MEX3B: variants seen among roughly 807,000 people sequenced by gnomAD.
MEX3B encodes the protein RNA-binding protein MEX3B.
In MEX3B, 10 loss-of-function variants were observed where a neutral mutation model predicts 12.2. The ratio of observed to expected loss-of-function variants is 0.82; its 90% confidence interval spans 0.51 to 1.40. The LOEUF is 1.40. MEX3B is among the 40% of genes most tolerant of loss of function. The pLI, the probability that MEX3B is intolerant of heterozygous loss-of-function variation, is 0.00. For synonymous variants in MEX3B, 498 were observed against 356.3 expected (o/e 1.40, Z -4.48); for missense variants, 839 against 801.4 (o/e 1.05, Z -0.57).
In MEX3B at chr15:82,042,362, AAAT is replaced by A. The variant is rs1355916140; in HGVS notation, c.*795_*797del. ...TTCCGTCACAATTGTGTGATTATTA[AAAT>A]AATACAGTGTTCTTTGCCATAAGGC... On this transcript the variant is annotated 3_prime_UTR_variant, in exon 2 of 2. Transcript: ENST00000329713. 1 of 152,640 alleles carries A rather than the reference AAAT, an allele frequency of 6.6e-6. No homozygotes were observed. The highest frequency in any genetic ancestry group is 1.5e-5 in the Non-Finnish European group (1 of 68,034). The allele number at this position is 152,640 out of a possible 1,614,324, so 9.5% of individuals were successfully genotyped here.
At position 82,044,228 on chromosome 15, in the gene MEX3B, C is replaced by G; in HGVS notation, c.642G>C (p.Val214=). 1 of 1,614,102 alleles carries G rather than the reference C, an allele frequency of 6.2e-7. No homozygotes were observed. ...CCTCAATCTCCTCTCGAGCGCGATC[C>G]ACGTTCTCTGGCATGCCGGTCACCT... ...VFEVTGMPEN[V]DRAREEIEAH... The change falls in exon 2 of 2, where the codon GTG becomes GTC. Residue 214 remains valine (V), a synonymous_variant. Coordinates refer to ENST00000329713, the MANE Select transcript of MEX3B (RefSeq NM_032246.6). This position sits in a 1 kb window ranked among gnomAD's most constrained non-coding sequence, Gnocchi z 5.3.
rs376439405 is a variant in MEX3B, at chr15:82,043,454, G to A, written c.1416C>T (p.Ala472=). 22 of 1,548,878 alleles carry A rather than the reference G, an allele frequency of 1.4e-5. No homozygotes were observed. In the African/African-American group the frequency reaches 2.7e-4, roughly 19 times the overall value. ...GTGCCCCCAGCCCGTTGGCATAAGC[G>A]GCGTAGGCCAGGCCTCCTCCACCCG... ...SDPGGGGLAY[A]AYANGLGAQL... The change falls in exon 2 of 2, where the codon GCC becomes GCT. Residue 472 remains alanine, a synonymous_variant. Coordinates refer to ENST00000329713, the MANE Select transcript of MEX3B (RefSeq NM_032246.6).
In MEX3B at chr15:82,042,529, C is replaced by T. The variant is rs976022711; in HGVS notation, c.*631G>A. On this transcript the variant is annotated 3_prime_UTR_variant, in exon 2 of 2. Coordinates refer to ENST00000329713, the MANE Select transcript of MEX3B (RefSeq NM_032246.6). ...TAAAATACTTCAATCTGTATTAATG[C>T]AATTTCTCTTTAAAACTTTTAAACG... is the stretch of plus-strand genomic sequence containing the variant. 1 of 152,558 alleles carries T rather than the reference C, an allele frequency of 6.6e-6. No individual in the cohort carries two copies. The highest frequency in any genetic ancestry group is 1.5e-5 in the Non-Finnish European group (1 of 68,030). The allele number at this position is 152,558 out of a possible 1,614,324, so 9.5% of individuals were successfully genotyped here.
Position 82,045,803 on chromosome 15 carries a change from G to A in MEX3B, c.-98C>T. The A allele has an allele frequency of 2.4e-6, 3 of 1,263,732 alleles. No homozygotes were observed. Among genetic ancestry groups the A allele is most frequent in the Non-Finnish European group, 3.0e-6 (3 of 997,202 alleles). 78.3% of individuals were successfully genotyped at this position (1,263,732 alleles called of 1,614,324 possible). On this transcript the variant is annotated 5_prime_UTR_variant, in exon 1 of 2. Transcript: ENST00000329713. Reference sequence around the variant, plus strand: ...CGGGAAGCGGGTGGTCAGGGGCGGGGAGGCCGGTCGCCTGCTGAGGGCTCC... The same window carrying A: ...CGGGAAGCGGGTGGTCAGGGGCGGGAAGGCCGGTCGCCTGCTGAGGGCTCC...
At position 82,042,432 on chromosome 15, in the gene MEX3B, C is replaced by T. The variant is rs1039941180; in HGVS notation, c.*728G>A. 1 of 152,478 alleles carries T rather than the reference C, an allele frequency of 6.6e-6. No homozygotes were observed. Among genetic ancestry groups the T allele is most frequent in the African/African-American group, 2.4e-5 (1 of 41,432 alleles). 9.4% of individuals were successfully genotyped at this position (152,478 alleles called of 1,614,324 possible). ...GATTTAACCCAGCTACAAAAAAGTT[C>T]ACTGAACTTAAATTAAAATACTTGT... On this transcript the variant is annotated 3_prime_UTR_variant, in exon 2 of 2. Transcript: ENST00000329713.
rs1483827989 is a variant in MEX3B at position 82,045,493 on chromosome 15, T to A, written c.213A>T (p.Pro71=). The A allele has an allele frequency of 1.1e-5, 18 of 1,596,632 alleles. No homozygotes were observed. The highest frequency in any genetic ancestry group is 1.5e-5 in the Non-Finnish European group (18 of 1,170,066). ...CGGCGACATGCTCAGAACTGGGTACTGGCACGCACTCGGTCATGTTCACGC... is the reference window on the plus strand; with the variant it reads ...CGGCGACATGCTCAGAACTGGGTACAGGCACGCACTCGGTCATGTTCACGC... ...KKSVNMTECV[P]VPSSEHVAEI... Residue 71 remains proline, a synonymous_variant, in exon 1 of 2, where the codon CCA becomes CCT. Coordinates refer to ENST00000329713, the MANE Select transcript of MEX3B (RefSeq NM_032246.6).
In MEX3B at chr15:82,044,528, C is replaced by A. The variant is rs776844713; in HGVS notation, c.342G>T (p.Thr114=). ...CCATGGCCACATCCTCCTTCCTGCC[C>A]GTCACAACAAAGACAGGCTCCTCCC... The part of the protein sequence containing the change: ...VRGEEPVFVV[T]GRKEDVAMAR... Residue 114 remains threonine, a synonymous_variant, in exon 2 of 2, where the codon ACG becomes ACT. Transcript: ENST00000329713. The surrounding 1 kb of genome is among the most constrained non-coding windows in gnomAD (Gnocchi z 5.3). The A allele has an allele frequency of 6.2e-7, 1 of 1,614,166 alleles. No homozygotes were observed. Among genetic ancestry groups the A allele is most frequent in the South Asian group, 1.1e-5 (1 of 91,074 alleles).
chr15:82,045,184 T>A (rs1240367701), intron 1 of MEX3B: 2 of 620,640 alleles, frequency 3.2e-6, no homozygotes, highest in East Asian at 2.7e-5. Context: ...ATTGTCTTTC[T>A]GGAGGTGGGC....
In MEX3B at chr15:82,042,939, T is replaced by G. The variant is rs1350297137; in HGVS notation, c.*221A>C. On this transcript the variant is annotated 3_prime_UTR_variant, in exon 2 of 2. Coordinates refer to ENST00000329713, the MANE Select transcript of MEX3B (RefSeq NM_032246.6). The stretch of plus-strand genomic sequence containing the variant: ...GTTTCCCAGGCTACAGTACTCTTGA[T>G]GCAGATATCCTGGCAAATTCCTTTA... 1.2e-5 allele frequency: 5 copies of G among 406,616 alleles called. No homozygotes were observed. Among genetic ancestry groups the G allele is most frequent in the African/African-American group, 8.2e-5 (4 of 48,750 alleles). 25.2% of individuals were successfully genotyped at this position (406,616 alleles called of 1,614,324 possible).
Position 82,045,561 on chromosome 15 carries a change from C to T in MEX3B, c.145G>A (p.Asp49Asn), listed in dbSNP as rs2073252347. The T allele has an allele frequency of 6.2e-7, 1 of 1,611,588 alleles. No homozygotes were observed. Among genetic ancestry groups the T allele is most frequent in the South Asian group, 1.1e-5 (1 of 90,814 alleles). Residue 49 changes from aspartate to asparagine, a missense_variant, in exon 1 of 2, where the codon GAC becomes AAC. Around this residue, in one of 3 missense-constraint regions of MEX3B, gnomAD observed 214 missense variants for 223.8 expected, o/e 0.96. Coordinates refer to ENST00000329713, the MANE Select transcript of MEX3B (RefSeq NM_032246.6). The part of the protein sequence containing the change: ...DQLSLLGLDS[D>N]EGASLYDSEP... ...CTGTCGTACAGAGAGGCGCCCTCGT[C>T]ACTGTCCAGCCCCAGCAGGGAGAGC...
In MEX3B at chr15:82,043,703, T is replaced by A. The variant is rs1311769794; in HGVS notation, c.1167A>T (p.Ala389=). 1.9e-6 allele frequency: 3 copies of A among 1,597,990 alleles called. No homozygotes were observed. The highest frequency in any genetic ancestry group is 2.6e-6 in the Non-Finnish European group (3 of 1,172,954). ...AAGAGCAGGAAGAAGATACCGGAGC[T>A]GCAGGTCCGCCTCCCGGGGACCGCT... ...QFERSPGGGP[A]APVSSSCSSS... is the part of the protein sequence containing the mutation. The change falls in exon 2 of 2, where the codon GCA becomes GCT. Residue 389 remains alanine, a synonymous_variant. Transcript: ENST00000329713.
rs1350468687 is a variant in MEX3B at position 82,045,977 on chromosome 15, C to T, written c.-272G>A. On this transcript the variant is annotated 5_prime_UTR_variant, in exon 1 of 2. Transcript: ENST00000329713. ...GCTCTAGCGGTGGCCGCGCGTGCCC[C>T]CCGAGTGCCCGGCTGGCTGGCCGCA... 2.7e-5 allele frequency: 10 copies of T among 365,822 alleles called. No homozygotes were observed. The highest frequency in any genetic ancestry group is 1.6e-4 in the East Asian group (4 of 24,302). 22.7% of individuals were successfully genotyped at this position (365,822 alleles called of 1,614,324 possible).
In MEX3B at chr15:82,044,062, G is replaced by A. The variant is rs769641811; in HGVS notation, c.808C>T (p.Pro270Ser). ...GPGSLWSKPT[P>S]SITPTPGRKP... ...CGGCCGGGGGTGGGCGTGATGCTGGGGGTGGGCTTGCTCCAGAGGCTGCCT... is the reference window on the plus strand; with the variant it reads ...CGGCCGGGGGTGGGCGTGATGCTGGAGGTGGGCTTGCTCCAGAGGCTGCCT... Residue 270 changes from proline (P) to serine (S), a missense_variant, in exon 2 of 2, where the codon CCC becomes TCC. Physicochemically the swap from Pro to Ser is moderately conservative, Grantham distance 74. Coordinates refer to ENST00000329713, the MANE Select transcript of MEX3B (RefSeq NM_032246.6). This position sits in a 1 kb window ranked among gnomAD's most constrained non-coding sequence, Gnocchi z 5.3. 2.5e-6 allele frequency: 4 copies of A among 1,609,118 alleles called. No individual in the cohort carries two copies. Among genetic ancestry groups the A allele is most frequent in the South Asian group, 2.2e-5 (2 of 90,892 alleles).
Position 82,043,826 on chromosome 15 carries a change from G to C in MEX3B, c.1044C>G (p.Ala348=). ...GGCAGCCGTCGGGGGATGGCACTGA[G>C]GCTTCTCCCCCCGCTGTGTAGGTGT... ...NGYTYTAGGE[A]SVPSPDGCPE... The change falls in exon 2 of 2, where the codon GCC becomes GCG. Residue 348 remains alanine (A), a synonymous_variant. Transcript: ENST00000329713. The C allele has an allele frequency of 1.3e-6, 2 of 1,591,644 alleles. No individual in the cohort carries two copies. The highest frequency in any genetic ancestry group is 1.3e-5 in the African/African-American group (1 of 74,344).
chr15:82,043,556 G>A lies in MEX3B; in HGVS notation c.1314C>T (p.Cys438=). The change falls in exon 2 of 2, where the codon TGC becomes TGT. Residue 438 remains cysteine (C), a synonymous_variant. Coordinates refer to ENST00000329713, the MANE Select transcript of MEX3B (RefSeq NM_032246.6). ...VHRRLHPGTS[C]PRLSPPLHMA... is the part of the protein sequence containing the mutation. ...TGTGCAAGGGTGGAGACAGGCGCGG[G>A]CAGCTGGTGCCAGGGTGCAGCCGGC... 1.9e-6 allele frequency: 3 copies of A among 1,540,416 alleles called. No homozygotes were observed. The highest frequency in any genetic ancestry group is 2.6e-6 in the Non-Finnish European group (3 of 1,145,982).
Position 82,043,391 on chromosome 15 carries a change from G to A in MEX3B, c.1479C>T (p.Ser493=), listed in dbSNP as rs753138595. The A allele has an allele frequency of 2.5e-6, 4 of 1,584,728 alleles. No homozygotes were observed. The highest frequency in any genetic ancestry group is 1.7e-4 in the Middle Eastern group (1 of 5,954). The part of the protein sequence containing the change: ...PGLQPSDTSG[S]SSSSSSSSSS... Reference sequence around the variant, plus strand: ...TGGAGGAGGAGCTGGACGAAGAGGAGGAGCCCGACGTGTCCGACGGCTGCA... The same window carrying A: ...TGGAGGAGGAGCTGGACGAAGAGGAAGAGCCCGACGTGTCCGACGGCTGCA... The change falls in exon 2 of 2, where the codon TCC becomes TCT. Residue 493 remains serine (S), a synonymous_variant. Coordinates refer to ENST00000329713, the MANE Select transcript of MEX3B (RefSeq NM_032246.6).
chr15:82,043,524 G>T lies in MEX3B; in HGVS notation c.1346C>A (p.Pro449Gln). The change falls in exon 2 of 2, where the codon CCG (proline) becomes CAG (glutamine). Residue 449 changes from proline (P) to glutamine (Q), a missense_variant. Transcript: ENST00000329713. ...PRLSPPLHMAPGAGEHHLARR... is the reference protein window; with the variant it reads ...PRLSPPLHMAQGAGEHHLARR... ...AGCCAGGTGGTGCTCTCCCGCCCCCGGGGCCATGTGCAAGGGTGGAGACAG... is the reference window on the plus strand; with the variant it reads ...AGCCAGGTGGTGCTCTCCCGCCCCCTGGGCCATGTGCAAGGGTGGAGACAG... 6.6e-7 allele frequency: 1 copy of T among 1,514,482 alleles called. No homozygotes were observed. Among genetic ancestry groups the T allele is most frequent in the East Asian group, 2.4e-5 (1 of 41,100 alleles). 93.8% of individuals were successfully genotyped at this position (1,514,482 alleles called of 1,614,324 possible).
In MEX3B at chr15:82,044,165, G is replaced by C. The variant is rs2073241285; in HGVS notation, c.705C>G (p.Leu235=). The change falls in exon 2 of 2, where the codon CTC becomes CTG. Residue 235 remains leucine (L), a synonymous_variant. Coordinates refer to ENST00000329713, the MANE Select transcript of MEX3B (RefSeq NM_032246.6). The surrounding 1 kb of genome is among the most constrained non-coding windows in gnomAD (Gnocchi z 5.3). ...TGGCGTGGAAGTCGTTCTCGTCTGT[G>C]AGCTCAATGATGCCGCCGGTACGCA... ...IALRTGGIIE[L]TDENDFHANG... The C allele has an allele frequency of 1.2e-6, 2 of 1,613,976 alleles. No homozygotes were observed. Among genetic ancestry groups the C allele is most frequent in the East Asian group, 2.2e-5 (1 of 44,868 alleles).
chr15:82,045,058 C>A, intron 1 of MEX3B: 2 of 595,704 alleles, frequency 3.4e-6, no homozygotes, highest in Non-Finnish European at 6.0e-6. Context: ...CTCCTCTGGG[C>A]TCCATTCCGC....
Sources: allele counts gnomAD v4.1 joint callset, GRCh38; gene constraint gnomAD v4.1.1; regional missense constraint gnomAD v4.1.1; non-coding constraint Gnocchi (gnomAD v3.1); transcripts MANE v1.5; gene names NCBI Gene and HGNC (gene_info 2026-07-23, HGNC 2026-07-21).